The following ZBTB16 variants were observed in gnomAD, a reference collection of about 807,000 sequenced individuals.
The protein encoded by ZBTB16 is zinc finger and BTB domain-containing protein 16.
Under a neutral mutation model 56.8 loss-of-function variants are expected in ZBTB16, and 8 were observed. The observed-to-expected ratio is 0.14, with a 90% CI of 0.08 to 0.25. ZBTB16 has a LOEUF of 0.25. Ranked by LOEUF, ZBTB16 falls within the 10% of genes least tolerant of loss-of-function variation. The pLI is 1.00. For synonymous variants in ZBTB16, 363 were observed against 368.5 expected (o/e 0.98, Z 0.17); for missense variants, 625 against 903.0 (o/e 0.69, Z 3.95).
rs559397333 is a variant in ZBTB16, at chr11:114,163,717, C to G, written c.1366+7283C>G. Among the ~76,000 whole-genome samples the G allele has an allele frequency of 2.0e-5, 3 of 152,328 alleles. No individual in the cohort carries two copies. The East Asian group carries it at 5.8e-4, about 29-fold the overall frequency. On this transcript the variant is annotated intron_variant, in intron 3 of 6. Transcript: ENST00000335953. ...TCACATGTCCCTGCCCCCAAATACA[C>G]ATGTCTCTGTCTCCATATGGTGCCT... is the stretch of plus-strand genomic sequence containing the variant.
chr11:114,097,971 G>T (rs1484645317), intron 2 of ZBTB16, among the ~76,000 whole-genome samples: 1 of 152,176 alleles, frequency 6.6e-6, no homozygotes, highest in Non-Finnish European at 1.5e-5. Context: ...TCTGCTTTTA[G>T]ACTTGGTACG....
chr11:114,120,639 G>A (rs1173997827), intron 2 of ZBTB16, among the ~76,000 whole-genome samples: 1 of 152,144 alleles, frequency 6.6e-6, no homozygotes, highest in African/African-American at 2.4e-5. Flanking sequence ...GGCAACCACT[G>A]AGTCTGAGAC....
At chr11:114,249,668 G>C (rs1944881864) in intron 6 of ZBTB16, among the ~76,000 whole-genome samples, 1 of 145,366 alleles carries the variant, frequency 6.9e-6, no homozygotes, top group African/African-American at 2.6e-5. Context: ...GGGAGGCTGA[G>C]GCAGGAGAAT....
Position 114,063,743 on chromosome 11 carries a change from G to A in ZBTB16, c.443G>A (p.Arg148His), listed in dbSNP as rs763360681. The A allele has an allele frequency of 6.8e-6, 11 of 1,613,918 alleles. 1 individual carries two copies. Among genetic ancestry groups the A allele is most frequent in the Middle Eastern group, 1.6e-4 (1 of 6,062 alleles). Residue 148 changes from arginine to histidine, a missense_variant, in exon 2 of 7, where the codon CGC becomes CAC. This residue lies in a region of ZBTB16 where 384 missense variants were observed against 393.5 expected (regional missense o/e 0.98). Transcript: ENST00000335953. This position sits in a 1 kb window ranked among gnomAD's most constrained non-coding sequence, Gnocchi z 6.5. ...GGCGGGGCCGAGGAAGAAGAGGACC[G>A]CAAGGCTCGGTACCTCAAGAACATC... is the stretch of plus-strand genomic sequence containing the variant. Reference protein sequence around the residue: ...ADGGAEEEEDRKARYLKNIFI... With the variant: ...ADGGAEEEEDHKARYLKNIFI...
chr11:114,245,140 G>A (rs1017521648), intron 5 of ZBTB16, among the ~76,000 whole-genome samples: 1 of 152,158 alleles, frequency 6.6e-6, no homozygotes, highest in Non-Finnish European at 1.5e-5. Flanking sequence ...TAGTACCAGG[G>A]TCTGCACAGG....
chr11:114,187,206 G>A (rs1943380718), intron 4 of ZBTB16, 168 bp downstream of exon 4: 2 of 726,236 alleles, frequency 2.8e-6, no homozygotes, highest in Non-Finnish European at 4.9e-6. Flanking sequence ...TCTTGTCTGT[G>A]TGGCTGGCCC....
In ZBTB16 at chr11:114,246,413, A is replaced by T. The variant is rs114030172; in HGVS notation, c.1625-785A>T. ...ATCTCATTTTTTTCTCAACTGTAAA[A>T]TGAGACTAATATCTTTCTTTAAGTT... On this transcript the variant is annotated intron_variant, in intron 5 of 6. Transcript: ENST00000335953. Among the ~76,000 whole-genome samples the T allele has an allele frequency of 7.1e-3, 1,078 of 152,322 alleles. 13 individuals are homozygous for T. Among genetic ancestry groups the T allele is most frequent in the African/African-American group, 0.024 (1,015 of 41,580 alleles).
intron 2 of ZBTB16, among the ~76,000 whole-genome samples, chr11:114,125,028 C>A (rs553460707): frequency 3.1e-4 from 47 of 152,092 alleles, no homozygotes; most frequent in Non-Finnish European, 6.0e-4. Flanking sequence ...TGACCCTCTT[C>A]TCGGGGTCAG....
chr11:114,187,137 C>A, intron 4 of ZBTB16, 99 bp downstream of exon 4: 1 of 1,168,366 alleles, frequency 8.6e-7, no homozygotes, highest in Non-Finnish European at 1.3e-6. Context: ...GCAAATGTGA[C>A]ATCCAGTAAT....
At chr11:114,136,760 C>A (rs1286712768) in intron 2 of ZBTB16, among the ~76,000 whole-genome samples, 1 of 152,040 alleles carries the variant, frequency 6.6e-6, no homozygotes, top group Non-Finnish European at 1.5e-5. Flanking sequence ...AATATTTCTA[C>A]TGAGGATGAC....
In ZBTB16 at chr11:114,075,626, T is replaced by G. The variant is rs1939528448; in HGVS notation, c.1268+11058T>G. Reference sequence around the variant, plus strand: ...GGTGCACCACCACACCTGGCTAATTTTTGTATATATATATATATATATTTA... The same window carrying G: ...GGTGCACCACCACACCTGGCTAATTGTTGTATATATATATATATATATTTA... On this transcript the variant is annotated intron_variant, in intron 2 of 6. Transcript: ENST00000335953. 4.9e-5 allele frequency among the ~76,000 whole-genome samples: 4 copies of G among 81,510 alleles called. No individual in the cohort carries two copies. The Admixed American group carries it at 6.1e-4, about 12-fold the overall frequency. 53.5% of individuals were successfully genotyped at this position (81,510 alleles called of 152,430 possible).
intron 2 of ZBTB16, among the ~76,000 whole-genome samples, chr11:114,089,761 A>T (rs149081976): frequency 1.3e-5 from 2 of 152,170 alleles, no homozygotes; most frequent in South Asian, 4.1e-4. Flanking sequence ...TTCTCTGCAG[A>T]ATTTGTGAAC....
At chr11:114,190,906 G>A (rs2135072793) in intron 4 of ZBTB16, among the ~76,000 whole-genome samples, 1 of 152,308 alleles carries the variant, frequency 6.6e-6, no homozygotes, top group East Asian at 1.9e-4. Flanking sequence ...AGGCTTTCCA[G>A]GAAGCATGAT....
rs191850490 is a variant in ZBTB16 at position 114,194,876 on chromosome 11, C to T, written c.1453+7838C>T. ...TTTATTCTCTGGGTTTGAAATTTGA[C>T]ACACGGACACTATCTTGGCTCAGGA... On this transcript the variant is annotated intron_variant, in intron 4 of 6. Coordinates refer to ENST00000335953, the MANE Select transcript of ZBTB16 (RefSeq NM_006006.6). Among the ~76,000 whole-genome samples, 295 of 152,272 alleles carry T rather than the reference C, an allele frequency of 1.9e-3. 1 individual carries two copies. Among genetic ancestry groups the T allele is most frequent in the Middle Eastern group, 3.4e-3 (1 of 294 alleles).
At chr11:114,202,348 C>T (rs754664590) in intron 4 of ZBTB16, among the ~76,000 whole-genome samples, 9 of 152,152 alleles carry the variant, frequency 5.9e-5, no homozygotes, top group Non-Finnish European at 8.8e-5. Context: ...AAACTGCCCT[C>T]GAGAAATAAC....
At chr11:114,187,482 G>A (rs1345675013) in intron 4 of ZBTB16, 1 of 243,966 alleles carries the variant, frequency 4.1e-6, no homozygotes, top group African/African-American at 2.2e-5. Context: ...TCTAAAATCA[G>A]CGTGTACGCA....
At chr11:114,084,833 T>A (rs1163317397) in intron 2 of ZBTB16, among the ~76,000 whole-genome samples, 2 of 152,230 alleles carry the variant, frequency 1.3e-5, no homozygotes, top group Non-Finnish European at 2.9e-5. Context: ...CATGGTCTGG[T>A]TAGCAAAGGG....
At chr11:114,223,209 G>A (rs922071940) in intron 4 of ZBTB16, among the ~76,000 whole-genome samples, 12 of 152,182 alleles carry the variant, frequency 7.9e-5, no homozygotes, top group African/African-American at 2.7e-4. Flanking sequence ...GGGTAGCACT[G>A]CACTGAGTAC....
At chr11:114,188,611 A>G (rs934265186) in intron 4 of ZBTB16, 2 of 152,160 alleles carry the variant, frequency 1.3e-5, no homozygotes, top group Non-Finnish European at 2.9e-5. Context: ...AATGTAATAG[A>G]TATTTATTGA....
Sources: gnomAD v4.1 joint callset for allele counts (sites outside exome capture counted in the v4.1 genomes callset) on GRCh38, gnomAD v4.1.1 for gene constraint, gnomAD v4.1.1 regional missense constraint, Gnocchi (gnomAD v3.1) non-coding constraint, MANE v1.5 for transcripts, NCBI Gene and HGNC (gene_info 2026-07-23, HGNC 2026-07-21) for gene names.